The following FAF1 variants were observed in gnomAD, a reference collection of about 807,000 sequenced individuals.
The protein encoded by FAF1 is Fas associated factor 1.
Under a neutral mutation model 92.5 loss-of-function variants are expected in FAF1, and 25 were observed. The ratio of observed to expected loss-of-function variants is 0.27; its 90% CI spans 0.20 to 0.38. The LOEUF is 0.38. FAF1 is among the 10% of genes least tolerant of loss of function. FAF1 has a pLI of 1.00. For missense variants in FAF1, 636 were observed against 793.3 expected (o/e 0.80, Z 2.38); for synonymous variants, 234 against 273.2 (o/e 0.86, Z 1.42).
chr1:50,482,220 C>T (rs1156579835), intron 17 of FAF1, among the ~76,000 whole-genome samples: 2 of 152,052 alleles, frequency 1.3e-5, no homozygotes, highest in Non-Finnish European at 2.9e-5. Context: ...ATAAATGTAA[C>T]CATAAATGTT....
At chr1:50,738,329 G>A (rs1278360038) in intron 6 of FAF1, among the ~76,000 whole-genome samples, 2 of 151,454 alleles carry the variant, frequency 1.3e-5, no homozygotes, top group Non-Finnish European at 2.9e-5. Context: ...TATAATCCCA[G>A]CTACTCAGGA....
intron 6 of FAF1, among the ~76,000 whole-genome samples, chr1:50,735,879 G>A (rs537257165): frequency 6.6e-6 from 1 of 152,068 alleles, no homozygotes; most frequent in African/African-American, 2.4e-5. Context: ...ACAACACCCG[G>A]CTATTTCATA....
chr1:50,815,264 T>C (rs1319077828), intron 2 of FAF1, among the ~76,000 whole-genome samples: 1 of 152,130 alleles, frequency 6.6e-6, no homozygotes, highest in Non-Finnish European at 1.5e-5. Flanking sequence ...CCCGTGTCTA[T>C]TGTTGCCATC....
intron 3 of FAF1, among the ~76,000 whole-genome samples, chr1:50,796,313 T>C (rs1238033284): frequency 6.6e-6 from 1 of 152,128 alleles, no homozygotes; most frequent in Admixed American, 6.5e-5. Context: ...ACTCATTTTG[T>C]TTTAGCATCA....
chr1:50,804,920 G>A (rs534636066), intron 2 of FAF1, among the ~76,000 whole-genome samples: 1 of 152,152 alleles, frequency 6.6e-6, no homozygotes, highest in Non-Finnish European at 1.5e-5. Context: ...TCAGGAGAGG[G>A]GCTCAGATGG....
intron 18 of FAF1, among the ~76,000 whole-genome samples, chr1:50,445,985 TC>T (rs1646222902): frequency 6.6e-6 from 1 of 152,204 alleles, no homozygotes; most frequent in Non-Finnish European, 1.5e-5. Flanking sequence ...TTCTATTACT[TC>T]CCTGGGCTTC....
chr1:50,515,973 GATA>G (rs1647213578), intron 15 of FAF1, among the ~76,000 whole-genome samples: 2 of 152,038 alleles, frequency 1.3e-5, no homozygotes, highest in Admixed American at 6.5e-5. Flanking sequence ...TATTACTGCA[GATA>G]ATATTTCCTG....
In FAF1 at chr1:50,437,117, G is replaced by C. The variant is rs192597749; in HGVS notation, c.*4323C>G. On this transcript the variant is annotated 3_prime_UTR_variant, in exon 19 of 19. Coordinates refer to ENST00000396153, the MANE Select transcript of FAF1 (RefSeq NM_007051.3). Reference sequence around the variant, plus strand: ...GAGCTGTGTGGCCAGTTGGGGTTAAGTGTCACCTTCCAAAGCAGATTATTT... The same window carrying C: ...GAGCTGTGTGGCCAGTTGGGGTTAACTGTCACCTTCCAAAGCAGATTATTT... 1 of 152,238 alleles carries C rather than the reference G, an allele frequency of 6.6e-6. No individual in the cohort carries two copies. The highest frequency in any genetic ancestry group is 1.5e-5 in the Non-Finnish European group (1 of 68,040). 9.4% of individuals were successfully genotyped at this position (152,238 alleles called of 1,614,324 possible). A position where few individuals can be genotyped will look rare whatever the true frequency, so the allele number is the denominator to read the frequency against.
intron 4 of FAF1, among the ~76,000 whole-genome samples, chr1:50,761,655 C>G (rs1660332384): frequency 6.6e-6 from 1 of 152,178 alleles, no homozygotes; most frequent in Non-Finnish European, 1.5e-5. Flanking sequence ...ATGCTAAAAA[C>G]TCTCAATAAA....
At chr1:50,829,445 C>G (rs554338708) in intron 2 of FAF1, among the ~76,000 whole-genome samples, 1 of 152,292 alleles carries the variant, frequency 6.6e-6, no homozygotes, top group Non-Finnish European at 1.5e-5. Context: ...GTACTGTAAA[C>G]TATAAATCAA....
At position 50,612,501 on chromosome 1, in the gene FAF1, A is replaced by G. The variant is rs1345596848; in HGVS notation, c.745-16285T>C. On this transcript the variant is annotated intron_variant, in intron 8 of 18. Transcript: ENST00000396153. ...TACATCTCAAGCCTGCTTTGTATGC[A>G]TGAAGGGTACCAACGAGCCACTTGG... is the stretch of plus-strand genomic sequence containing the variant. 4.1e-6 allele frequency: 4 copies of G among 985,364 alleles called. No homozygotes were observed. In the East Asian group the frequency reaches 4.5e-4, roughly 112 times the overall value. 61.0% of individuals were successfully genotyped at this position (985,364 alleles called of 1,614,324 possible). A position where few individuals can be genotyped will look rare whatever the true frequency, so the allele number is the denominator to read the frequency against.
chr1:50,619,309 T>G (rs1427319630), intron 8 of FAF1, among the ~76,000 whole-genome samples: 1 of 152,206 alleles, frequency 6.6e-6, no homozygotes, highest in African/African-American at 2.4e-5. Context: ...TAGACCTGAT[T>G]GTATAATTGC....
Position 50,738,963 on chromosome 1 carries a change from G to GA in FAF1, c.460-10dup, listed in dbSNP as rs751409727. 6.6e-6 allele frequency: 10 copies of GA among 1,522,050 alleles called. No homozygotes were observed. Among genetic ancestry groups the GA allele is most frequent in the Admixed American group, 1.9e-5 (1 of 53,946 alleles). The allele number at this position is 1,522,050 out of a possible 1,614,324, so 94.3% of individuals were successfully genotyped here. ...AGAGATTTTAGGACCGTCTGAAAAA[G>GA]AAAAAACACAGCAAAAAATGAATGT... On this transcript the variant is annotated splice_polypyrimidine_tract_variant and intron_variant, in intron 5 of 18. Coordinates refer to ENST00000396153, the MANE Select transcript of FAF1 (RefSeq NM_007051.3).
At chr1:50,744,654 C>A (rs747343201) in intron 5 of FAF1, 30 bp downstream of exon 5, 16 of 1,424,718 alleles carry the variant, frequency 1.1e-5, no homozygotes, top group Non-Finnish European at 1.5e-5. Context: ...ACTTAATTTT[C>A]TTTTATTTCT....
At chr1:50,516,802 C>T (rs1048521327) in intron 15 of FAF1, among the ~76,000 whole-genome samples, 2 of 152,204 alleles carry the variant, frequency 1.3e-5, no homozygotes, top group African/African-American at 4.8e-5. Flanking sequence ...TAAAAAGCTG[C>T]ATAGAAGGTT....
intron 2 of FAF1, among the ~76,000 whole-genome samples, chr1:50,844,602 C>G (rs1406463584): frequency 1.3e-5 from 2 of 150,760 alleles, no homozygotes; most frequent in African/African-American, 4.9e-5. Flanking sequence ...AGTTTTCATC[C>G]CACAGCAGTG....
chr1:50,562,714 A>G (rs576192550), intron 13 of FAF1, among the ~76,000 whole-genome samples: 27 of 152,298 alleles, frequency 1.8e-4, no homozygotes, highest in African/African-American at 6.3e-4. Flanking sequence ...ACTAGACTAT[A>G]TGTGTTTTGA....
intron 3 of FAF1, among the ~76,000 whole-genome samples, chr1:50,796,952 G>T (rs141991203): frequency 3.3e-5 from 5 of 152,106 alleles, no homozygotes; most frequent in African/African-American, 1.2e-4. Context: ...CAACATGGCT[G>T]GGGCGAAACT....
chr1:50,836,135 G>A lies in FAF1; in HGVS notation c.114+21794C>T, dbSNP rs1644199089. Among the ~76,000 whole-genome samples, 6 of 147,832 alleles carry A rather than the reference G, an allele frequency of 4.1e-5. No homozygotes were observed. In the South Asian group the frequency reaches 1.1e-3, roughly 26 times the overall value. ...CTCTCTCTGTATGTAGTTTTTTGGGGATTTTGTGTGTGTGTGTTTTTGTTT... is the reference window on the plus strand; with the variant it reads ...CTCTCTCTGTATGTAGTTTTTTGGGAATTTTGTGTGTGTGTGTTTTTGTTT... On this transcript the variant is annotated intron_variant, in intron 2 of 18. Transcript: ENST00000396153.
Sources: allele counts gnomAD v4.1 joint callset (sites outside exome capture counted in the v4.1 genomes callset), GRCh38; gene constraint gnomAD v4.1.1; transcripts MANE v1.5; gene names NCBI Gene and HGNC (gene_info 2026-07-23, HGNC 2026-07-21).